Variants in INPP4B observed in about 807,000 individuals in gnomAD.
The protein encoded by INPP4B is inositol polyphosphate 4-phosphatase type II.
Under a neutral mutation model 122.5 loss-of-function variants are expected in INPP4B, and 55 were observed. The observed-to-expected ratio is 0.45, with a 90% CI of 0.36 to 0.56. The LOEUF is 0.56. Among genes scored for constraint, INPP4B ranks in the 20% least tolerant of loss-of-function variants. The probability of loss-of-function intolerance (pLI) is 0.00; values close to 1 mark genes in which losing one functional copy is unlikely to be tolerated. For missense variants in INPP4B, 1,000 were observed against 1,097.7 expected (o/e 0.91, Z 1.26); for synonymous variants, 403 against 388.7 (o/e 1.04, Z -0.43).
intron 15 of INPP4B, among the ~76,000 whole-genome samples, chr4:142,183,439 G>T (rs1331492079): frequency 6.6e-6 from 1 of 152,164 alleles, no homozygotes; most frequent in Non-Finnish European, 1.5e-5. Context: ...CCAAGTGTTT[G>T]ATTTTTCCAT....
chr4:142,745,313 A>T (rs1025535002), intron 1 of INPP4B, among the ~76,000 whole-genome samples: 4 of 151,920 alleles, frequency 2.6e-5, no homozygotes, highest in African/African-American at 7.2e-5. Context: ...ATTTGAACAC[A>T]ACCATATGGA....
At chr4:142,792,711 A>G (rs911235109) in intron 1 of INPP4B, among the ~76,000 whole-genome samples, 4 of 152,060 alleles carry the variant, frequency 2.6e-5, no homozygotes, top group African/African-American at 9.7e-5. Context: ...CTACACACCT[A>G]AGCACAGCAG....
At chr4:142,567,475 AG>A (rs1731874421) in intron 2 of INPP4B, among the ~76,000 whole-genome samples, 1 of 152,178 alleles carries the variant, frequency 6.6e-6, no homozygotes, top group South Asian at 2.1e-4. Context: ...CTTCCGATAA[AG>A]GAAGATGATG....
chr4:142,449,347 AT>A (rs774944610), intron 3 of INPP4B, among the ~76,000 whole-genome samples: 2 of 152,170 alleles, frequency 1.3e-5, no homozygotes, highest in Non-Finnish European at 2.9e-5. Flanking sequence ...CAGCATCTGT[AT>A]TACCCAGAAG....
At chr4:142,151,974 C>G (rs1308207857) in intron 17 of INPP4B, among the ~76,000 whole-genome samples, 1 of 151,480 alleles carries the variant, frequency 6.6e-6, no homozygotes, top group African/African-American at 2.4e-5. Context: ...TCTCCGTTAT[C>G]TTCCATCAAT....
chr4:142,352,170 G>A (rs1042097824), intron 7 of INPP4B, among the ~76,000 whole-genome samples: 6 of 151,838 alleles, frequency 4.0e-5, no homozygotes, highest in Non-Finnish European at 8.8e-5. Context: ...TCTAAAGACC[G>A]CTTTGTGTTC....
chr4:142,382,619 A>G (rs941130463), intron 7 of INPP4B, among the ~76,000 whole-genome samples: 8 of 116,836 alleles, frequency 6.8e-5, no homozygotes, highest in African/African-American at 2.9e-4. Context: ...TATATTATAT[A>G]TATACTATAA....
intron 1 of INPP4B, among the ~76,000 whole-genome samples, chr4:142,797,884 G>A (rs957640472): frequency 4.0e-5 from 6 of 151,818 alleles, no homozygotes; most frequent in South Asian, 4.1e-4. Context: ...AGTCACTTGA[G>A]GATGGTCTCA....
intron 18 of INPP4B, among the ~76,000 whole-genome samples, chr4:142,133,374 C>G (rs926500586): frequency 6.6e-6 from 1 of 152,146 alleles, no homozygotes; most frequent in Admixed American, 6.5e-5. Context: ...ATGTCTTACC[C>G]TAAAAATAGG....
intron 2 of INPP4B, among the ~76,000 whole-genome samples, chr4:142,502,864 C>T (rs955459072): frequency 2.6e-5 from 4 of 152,068 alleles, no homozygotes; most frequent in Non-Finnish European, 5.9e-5. Flanking sequence ...TTGCTCCATG[C>T]CTTGCAAATA....
intron 10 of INPP4B, among the ~76,000 whole-genome samples, chr4:142,269,649 G>C (rs1561692258): frequency 6.6e-6 from 1 of 152,076 alleles, no homozygotes; most frequent in African/African-American, 2.4e-5. Context: ...GAGTTATTGA[G>C]CAAAATGGTT....
intron 8 of INPP4B, among the ~76,000 whole-genome samples, chr4:142,309,290 A>G (rs1489938060): frequency 6.6e-6 from 1 of 152,178 alleles, no homozygotes; most frequent in East Asian, 1.9e-4. Context: ...TACAAAAAGA[A>G]AAATATATCT....
chr4:142,470,501 C>T (rs900794132), intron 2 of INPP4B, among the ~76,000 whole-genome samples: 6 of 152,114 alleles, frequency 3.9e-5, no homozygotes, highest in African/African-American at 1.2e-4. Flanking sequence ...TAAAAGTGTT[C>T]CTACCCTGTC....
intron 2 of INPP4B, among the ~76,000 whole-genome samples, chr4:142,623,264 C>T (rs1745382723): frequency 6.6e-6 from 1 of 151,952 alleles, no homozygotes; most frequent in Non-Finnish European, 1.5e-5. Flanking sequence ...ACTGGAATCT[C>T]CCTAACAGGG....
chr4:142,483,083 A>G (rs1820757026), intron 2 of INPP4B, among the ~76,000 whole-genome samples: 1 of 151,748 alleles, frequency 6.6e-6, no homozygotes, highest in Non-Finnish European at 1.5e-5. Flanking sequence ...AGGAGTCTGC[A>G]AAAGAATTAT....
At chr4:142,216,455 A>G (rs1277910565) in intron 12 of INPP4B, among the ~76,000 whole-genome samples, 1 of 152,216 alleles carries the variant, frequency 6.6e-6, no homozygotes, top group African/African-American at 2.4e-5. Flanking sequence ...CAAATCTCCA[A>G]AGGAGACATA....
chr4:142,435,914 C>T (rs1403526110), intron 3 of INPP4B, among the ~76,000 whole-genome samples: 2 of 152,044 alleles, frequency 1.3e-5, no homozygotes, highest in African/African-American at 2.4e-5. Context: ...GCGGCATCAC[C>T]ACTGCTGCTG....
At chr4:142,613,627 G>A (rs1322348428) in intron 2 of INPP4B, among the ~76,000 whole-genome samples, 3 of 152,166 alleles carry the variant, frequency 2.0e-5, no homozygotes, top group Non-Finnish European at 4.4e-5. Context: ...AGAATCTCAT[G>A]TTCTGTGAAT....
At chr4:142,291,134 T>C (rs893266401) in intron 9 of INPP4B, among the ~76,000 whole-genome samples, 3 of 152,146 alleles carry the variant, frequency 2.0e-5, no homozygotes, top group Non-Finnish European at 4.4e-5. Context: ...TCCAGGAACA[T>C]AGGAATTACC....
Sources: allele counts gnomAD v4.1 joint callset (sites outside exome capture counted in the v4.1 genomes callset), GRCh38; gene constraint gnomAD v4.1.1; transcripts MANE v1.5; gene names NCBI Gene and HGNC (gene_info 2026-07-23, HGNC 2026-07-21).